The following SLIT2 variants were observed in gnomAD, a reference collection of about 807,000 sequenced individuals.
SLIT2 encodes the protein slit guidance ligand 2.
A neutral mutation model predicts 185.7 loss-of-function variants in SLIT2; 41 were observed. The ratio of observed to expected loss-of-function variants is 0.22; its 90% CI spans 0.17 to 0.29. The LOEUF is 0.29. Ranked by LOEUF, SLIT2 falls within the 10% of genes least tolerant of loss-of-function variation. SLIT2 has a pLI of 1.00. For synonymous variants in SLIT2, 693 were observed against 680.2 expected, an observed-to-expected ratio of 1.02 and a Z score of -0.29; for missense variants, 1,571 against 1,909.0, an observed-to-expected ratio of 0.82 and a Z score of 3.30.
intron 11 of SLIT2, among the ~76,000 whole-genome samples, chr4:20,518,216 T>TATACATATACATAC (rs1720419413): frequency 1.4e-5 from 2 of 139,322 alleles, no homozygotes; most frequent in Admixed American, 7.6e-5. Context: ...TATTTATATA[T>TATACATATACATAC]ATATACATAT....
At chr4:20,341,314 G>A (rs1720944741) in intron 4 of SLIT2, among the ~76,000 whole-genome samples, 1 of 152,192 alleles carries the variant, frequency 6.6e-6, no homozygotes, top group Admixed American at 6.5e-5. Context: ...ATATTATACT[G>A]AGTCAATGTT....
chr4:20,312,958 A>C (rs2109139720), intron 4 of SLIT2, among the ~76,000 whole-genome samples: 1 of 152,250 alleles, frequency 6.6e-6, no homozygotes, highest in Admixed American at 6.5e-5. Context: ...ATGCTGTATA[A>C]TTATGTCAGA....
At chr4:20,583,855 T>G (rs550060985) in intron 29 of SLIT2, among the ~76,000 whole-genome samples, 1 of 151,816 alleles carries the variant, frequency 6.6e-6, no homozygotes, top group South Asian at 2.1e-4. Context: ...ATAAAAAAGT[T>G]AGGTTCATAG....
intron 9 of SLIT2, among the ~76,000 whole-genome samples, chr4:20,498,576 G>C (rs545301063): frequency 6.6e-6 from 1 of 152,230 alleles, no homozygotes; most frequent in African/African-American, 2.4e-5. Context: ...GTGGCATATT[G>C]CCTTTTCAAA....
At chr4:20,509,035 T>A (rs750242611) in intron 9 of SLIT2, among the ~76,000 whole-genome samples, 1 of 152,026 alleles carries the variant, frequency 6.6e-6, no homozygotes, top group Non-Finnish European at 1.5e-5. Context: ...TGCATGTGTG[T>A]GTGTGTGTAT....
chr4:20,431,582 G>A (rs1158128150), intron 4 of SLIT2, among the ~76,000 whole-genome samples: 2 of 152,100 alleles, frequency 1.3e-5, no homozygotes, highest in Non-Finnish European at 2.9e-5. Context: ...AAAAGGAAAA[G>A]TGATTAAAGT....
At chr4:20,489,428 T>A (rs986329104) in intron 8 of SLIT2, among the ~76,000 whole-genome samples, 2 of 152,214 alleles carry the variant, frequency 1.3e-5, no homozygotes, top group Non-Finnish European at 2.9e-5. Flanking sequence ...ATACTAATGG[T>A]TCAGTTTTAC....
At chr4:20,330,569 C>G (rs551556391) in intron 4 of SLIT2, among the ~76,000 whole-genome samples, 1 of 152,140 alleles carries the variant, frequency 6.6e-6, no homozygotes, top group African/African-American at 2.4e-5. Context: ...AGTTTTAAAG[C>G]ATTTGGAAAG....
intron 4 of SLIT2, among the ~76,000 whole-genome samples, chr4:20,271,227 A>G (rs1713569568): frequency 6.6e-6 from 1 of 151,644 alleles, no homozygotes; most frequent in African/African-American, 2.4e-5. Flanking sequence ...AAGAAGAACA[A>G]GTGACAGAAC....
In SLIT2 at chr4:20,532,490, C is replaced by A. The variant is rs1721897812; in HGVS notation, c.1688+432C>A. Among the ~76,000 whole-genome samples the A allele has an allele frequency of 2.0e-5, 3 of 152,018 alleles. No individual in the cohort carries two copies. The South Asian group carries it at 6.2e-4, about 31-fold the overall frequency. Reference sequence around the variant, plus strand: ...AATGATTGGTAAACTGGCTTGATAGCTCATCTGTGTTACTACATGTCCACA... The same window carrying A: ...AATGATTGGTAAACTGGCTTGATAGATCATCTGTGTTACTACATGTCCACA... On this transcript the variant is annotated intron_variant, in intron 17 of 36. Coordinates refer to ENST00000504154, the MANE Select transcript of SLIT2 (RefSeq NM_004787.4).
At chr4:20,560,035 A>G (rs1275405107) in intron 26 of SLIT2, among the ~76,000 whole-genome samples, 1 of 151,950 alleles carries the variant, frequency 6.6e-6, no homozygotes, top group African/African-American at 2.4e-5. Flanking sequence ...TATTAAGCAT[A>G]TATGCTTTTT....
At chr4:20,446,375 G>C (rs1212660590) in intron 4 of SLIT2, among the ~76,000 whole-genome samples, 1 of 152,164 alleles carries the variant, frequency 6.6e-6, no homozygotes, top group Non-Finnish European at 1.5e-5. Context: ...CATAAAAATG[G>C]GGAGTAAGTC....
chr4:20,303,098 C>T (rs1396996991), intron 4 of SLIT2, among the ~76,000 whole-genome samples: 1 of 152,118 alleles, frequency 6.6e-6, no homozygotes, highest in Non-Finnish European at 1.5e-5. Flanking sequence ...TCTGTGATGA[C>T]CTCAAAGTTC....
At chr4:20,323,766 T>C (rs1719302495) in intron 4 of SLIT2, among the ~76,000 whole-genome samples, 1 of 152,224 alleles carries the variant, frequency 6.6e-6, no homozygotes, top group African/African-American at 2.4e-5. Context: ...GAAACTTGTA[T>C]AAGCTAAATC....
At chr4:20,557,809 T>A (rs1724387386) in intron 26 of SLIT2, among the ~76,000 whole-genome samples, 1 of 151,978 alleles carries the variant, frequency 6.6e-6, no homozygotes, top group South Asian at 2.1e-4. Flanking sequence ...TTAAGAACAT[T>A]TGTGATTCAT....
chr4:20,554,544 T>G (rs1267706089), intron 26 of SLIT2, among the ~76,000 whole-genome samples: 3 of 152,136 alleles, frequency 2.0e-5, no homozygotes, highest in Non-Finnish European at 4.4e-5. Flanking sequence ...TACATGCCCC[T>G]AAATAGAAAA....
At chr4:20,368,126 CT>C (rs1487871532) in intron 4 of SLIT2, among the ~76,000 whole-genome samples, 1 of 148,706 alleles carries the variant, frequency 6.7e-6, no homozygotes, top group Non-Finnish European at 1.5e-5. Context: ...AGCTGAGAAA[CT>C]TTTAATGGAA....
intron 21 of SLIT2, among the ~76,000 whole-genome samples, chr4:20,543,815 C>G (rs1476909197): frequency 2.6e-5 from 4 of 152,176 alleles, no homozygotes; most frequent in Non-Finnish European, 1.5e-5. Context: ...CTTAGGTCCT[C>G]TCTCACTACC....
In SLIT2 at chr4:20,484,412, C is replaced by A. The variant is rs1038105179; in HGVS notation, c.540-1788C>A. ...AAAGCTCTTAGGTAAACTGAGCCAA[C>A]AAATCCAGTGCTCTGTAGGTCCCCC... On this transcript the variant is annotated intron_variant, in intron 6 of 36. Coordinates refer to ENST00000504154, the MANE Select transcript of SLIT2 (RefSeq NM_004787.4). The surrounding 1 kb of genome is among the most constrained non-coding windows in gnomAD (Gnocchi z 4.3). Among the ~76,000 whole-genome samples the A allele has an allele frequency of 6.6e-6, 1 of 152,138 alleles. No homozygotes were observed. The highest frequency in any genetic ancestry group is 1.5e-5 in the Non-Finnish European group (1 of 67,998).
Sources: gnomAD v4.1 joint callset for allele counts (sites outside exome capture counted in the v4.1 genomes callset) on GRCh38, gnomAD v4.1.1 for gene constraint, Gnocchi (gnomAD v3.1) non-coding constraint, MANE v1.5 for transcripts, NCBI Gene and HGNC (gene_info 2026-07-23, HGNC 2026-07-21) for gene names.